IQGAP1: variants seen among roughly 807,000 people sequenced by gnomAD.
The protein encoded by IQGAP1 is IQ motif containing GTPase activating protein 1.
In IQGAP1, 66 loss-of-function variants were observed where a neutral mutation model predicts 215.6. The observed-to-expected ratio is 0.31, with a 90% CI of 0.25 to 0.38. The LOEUF (loss-of-function observed/expected upper bound fraction) is 0.38. IQGAP1 is among the 10% of genes least tolerant of loss of function. The pLI, the probability that IQGAP1 is intolerant of heterozygous loss-of-function variation, is 1.00. For missense variants in IQGAP1, 1,712 were observed against 1,997.1 expected (o/e 0.86, Z 2.72); for synonymous variants, 772 against 728.7 (o/e 1.06, Z -0.96).
chr15:90,446,939 G>C (rs1395698304), intron 9 of IQGAP1, among the ~76,000 whole-genome samples: 2 of 151,996 alleles, frequency 1.3e-5, no homozygotes, highest in Non-Finnish European at 2.9e-5. Flanking sequence ...TATTTAAGTA[G>C]TATGTGTACA....
chr15:90,388,381 C>G lies in IQGAP1; in HGVS notation c.40C>G (p.Arg14Gly), dbSNP rs774795827. ...ADEVDGLGVA[R>G]PHYGSVLDNE... ...CGAGGTTGACGGGCTGGGCGTGGCC[C>G]GGCCGCACTATGGCTGTGAGTGCGG... Residue 14 changes from arginine (R) to glycine (G), a missense_variant, in exon 1 of 38, where the codon CGG (arginine) becomes GGG (glycine). Physicochemically the swap from Arg to Gly is moderately radical, Grantham distance 125. Transcript: ENST00000268182. The G allele has an allele frequency of 1.3e-6, 2 of 1,584,356 alleles. No individual in the cohort carries two copies. Among genetic ancestry groups the G allele is most frequent in the Non-Finnish European group, 1.7e-6 (2 of 1,166,644 alleles).
intron 7 of IQGAP1, among the ~76,000 whole-genome samples, chr15:90,441,293 G>T (rs1459756372): frequency 1.3e-5 from 2 of 152,146 alleles, no homozygotes; most frequent in Non-Finnish European, 2.9e-5. Context: ...ATGGATCACA[G>T]ATGGAGCTGT....
chr15:90,394,135 CAAAA>C (rs56810085), intron 2 of IQGAP1, among the ~76,000 whole-genome samples: 14,619 of 74,042 alleles, frequency 0.2, 871 homozygotes, highest in Middle Eastern at 0.29. Flanking sequence ...AACTCTGTCT[CAAAA>C]AAAAAAAAAA....
intron 23 of IQGAP1, chr15:90,475,856 C>G (rs1965972724): frequency 6.6e-6 from 1 of 151,904 alleles, no homozygotes; most frequent in Non-Finnish European, 1.5e-5. Context: ...ATTTCACCTA[C>G]CCCAGTCATT....
chr15:90,491,562 A>T lies in IQGAP1; in HGVS notation c.4461+17A>T, dbSNP rs760692873. 6.2e-7 allele frequency: 1 copy of T among 1,603,708 alleles called. No individual in the cohort carries two copies. ...ATTGCCAGGGTACTGCATTCGGGGG[A>T]CAGAGGGGACCCGGCCTTGTTCAAA... On this transcript the variant is annotated intron_variant, in intron 34 of 37. Transcript: ENST00000268182.
At chr15:90,404,120 G>A (rs1964842634) in intron 2 of IQGAP1, among the ~76,000 whole-genome samples, 2 of 152,136 alleles carry the variant, frequency 1.3e-5, no homozygotes, top group Admixed American at 1.3e-4. Flanking sequence ...CACTTTGTAG[G>A]TATGCCATTG....
intron 26 of IQGAP1, among the ~76,000 whole-genome samples, chr15:90,478,495 A>G (rs1184242949): frequency 1.3e-5 from 2 of 152,222 alleles, no homozygotes; most frequent in Admixed American, 6.5e-5. Flanking sequence ...CCAACCAGGT[A>G]CATAAAAATA....
intron 25 of IQGAP1, among the ~76,000 whole-genome samples, chr15:90,477,464 G>A (rs1965995573): frequency 6.6e-6 from 1 of 151,584 alleles, no homozygotes; most frequent in African/African-American, 2.4e-5. Flanking sequence ...AAAGTAATCT[G>A]AACAGAAAGA....
intron 15 of IQGAP1, among the ~76,000 whole-genome samples, chr15:90,461,607 G>A (rs895078526): frequency 6.6e-6 from 1 of 152,192 alleles, no homozygotes; most frequent in African/African-American, 2.4e-5. Context: ...GGGAGGTCAA[G>A]GCAGGCGGAT....
chr15:90,482,257 T>C lies in IQGAP1; in HGVS notation c.3531T>C (p.Asp1177=). 1 of 1,614,188 alleles carries C rather than the reference T, an allele frequency of 6.2e-7. No homozygotes were observed. Among genetic ancestry groups the C allele is most frequent in the Non-Finnish European group, 8.5e-7 (1 of 1,180,010 alleles). ...LKDSLHEKFP[D]AGEDELLKII... Reference sequence around the variant, plus strand: ...ACTCGTTGCATGAGAAGTTCCCTGATGCTGGTGAGGATGAGCTGCTGAAGG... The same window carrying C: ...ACTCGTTGCATGAGAAGTTCCCTGACGCTGGTGAGGATGAGCTGCTGAAGG... The change falls in exon 28 of 38, where the codon GAT becomes GAC. Residue 1177 remains aspartate, a synonymous_variant. Coordinates refer to ENST00000268182, the MANE Select transcript of IQGAP1 (RefSeq NM_003870.4).
intron 9 of IQGAP1, among the ~76,000 whole-genome samples, chr15:90,447,828 G>A (rs1965546273): frequency 1.3e-5 from 2 of 152,034 alleles, no homozygotes; most frequent in African/African-American, 2.4e-5. Context: ...TCAGATGAAG[G>A]AACATCTGGG....
chr15:90,486,465 A>G (rs561617159), intron 31 of IQGAP1: 81 of 219,376 alleles, frequency 3.7e-4, no homozygotes, highest in Admixed American at 6.0e-4. Flanking sequence ...GTTATGAGAC[A>G]GGGTCTCCCT....
At chr15:90,409,974 T>G (rs907544600) in intron 2 of IQGAP1, among the ~76,000 whole-genome samples, 1 of 152,228 alleles carries the variant, frequency 6.6e-6, no homozygotes, top group African/African-American at 2.4e-5. Context: ...TTCATATCCT[T>G]TGCCCACTTT....
chr15:90,433,393 G>T (rs1965329338), intron 4 of IQGAP1, among the ~76,000 whole-genome samples: 1 of 152,138 alleles, frequency 6.6e-6, no homozygotes, highest in Admixed American at 6.5e-5. Context: ...AACTGGACTA[G>T]AACTTGGTCT....
intron 15 of IQGAP1, among the ~76,000 whole-genome samples, chr15:90,456,540 CA>C (rs1341705463): frequency 3.9e-5 from 6 of 152,008 alleles, no homozygotes; most frequent in Admixed American, 3.9e-4. Context: ...TTGTTGTTGA[CA>C]GTCTTTTGTG....
intron 26 of IQGAP1, among the ~76,000 whole-genome samples, chr15:90,479,320 A>G (rs1966023370): frequency 6.6e-6 from 1 of 152,120 alleles, no homozygotes; most frequent in South Asian, 2.1e-4. Context: ...ATCAGTTTGT[A>G]GACTGGCACT....
chr15:90,426,680 C>T (rs1965226889), intron 3 of IQGAP1, among the ~76,000 whole-genome samples: 2 of 151,986 alleles, frequency 1.3e-5, no homozygotes, highest in Non-Finnish European at 2.9e-5. Context: ...TGGGGCCGGG[C>T]GCGGTGGCTC....
intron 30 of IQGAP1, among the ~76,000 whole-genome samples, chr15:90,485,596 C>T (rs1596291119): frequency 6.6e-6 from 1 of 152,060 alleles, no homozygotes; most frequent in East Asian, 1.9e-4. Context: ...CACACCAGCA[C>T]GCCCAGCTAA....
At chr15:90,430,256 A>G (rs1037358753) in intron 4 of IQGAP1, among the ~76,000 whole-genome samples, 1 of 152,158 alleles carries the variant, frequency 6.6e-6, no homozygotes, top group African/African-American at 2.4e-5. Flanking sequence ...GTCTGAATCT[A>G]TAACTGCCAC....
Sources: gnomAD v4.1 joint callset for allele counts (sites outside exome capture counted in the v4.1 genomes callset) on GRCh38, gnomAD v4.1.1 for gene constraint, MANE v1.5 for transcripts, NCBI Gene and HGNC (gene_info 2026-07-23, HGNC 2026-07-21) for gene names.